The following SMYD3 variants were observed in gnomAD, a reference collection of about 807,000 sequenced individuals.
The protein encoded by SMYD3 is histone-lysine N-methyltransferase SMYD3.
SMYD3 carries 36 observed loss-of-function variants against 57.7 expected under a neutral mutation model. That is an observed-to-expected ratio of 0.62 (90% CI 0.48 to 0.82). SMYD3 has a LOEUF of 0.82. SMYD3 is among the 40% of genes least tolerant of loss of function. SMYD3 has a pLI of 0.00. For missense variants in SMYD3, 515 were observed against 538.8 expected (o/e 0.96, Z 0.44); for synonymous variants, 211 against 195.0 (o/e 1.08, Z -0.68).
intron 5 of SMYD3, among the ~76,000 whole-genome samples, chr1:246,116,165 T>C (rs2061339718): frequency 7.0e-6 from 1 of 143,650 alleles, no homozygotes; most frequent in Non-Finnish European, 1.5e-5. Context: ...AAAAAAAGAA[T>C]TAACTGTAAT....
chr1:246,145,500 G>T (rs1558266464), intron 5 of SMYD3, among the ~76,000 whole-genome samples: 1 of 152,150 alleles, frequency 6.6e-6, no homozygotes, highest in Non-Finnish European at 1.5e-5. Flanking sequence ...GTTTTAAAGT[G>T]CTGTTCTTAC....
chr1:245,875,223 C>T (rs1400575603), intron 8 of SMYD3, among the ~76,000 whole-genome samples: 1 of 152,212 alleles, frequency 6.6e-6, no homozygotes. Context: ...CTCTTGTAAC[C>T]GTCTCATAAA....
chr1:246,055,550 C>T (rs2060137416), intron 5 of SMYD3, among the ~76,000 whole-genome samples: 2 of 152,360 alleles, frequency 1.3e-5, no homozygotes, highest in South Asian at 2.1e-4. Context: ...GGTATTGGCA[C>T]ACCTTTGCTC....
At chr1:246,456,146 T>G (rs1417219615) in intron 1 of SMYD3, among the ~76,000 whole-genome samples, 1 of 152,194 alleles carries the variant, frequency 6.6e-6, no homozygotes, top group Non-Finnish European at 1.5e-5. Context: ...GGCCCAATTT[T>G]CTTCTCATTC....
chr1:246,109,234 T>C (rs1252985277), intron 5 of SMYD3, among the ~76,000 whole-genome samples: 1 of 152,202 alleles, frequency 6.6e-6, no homozygotes, highest in African/African-American at 2.4e-5. Flanking sequence ...GTTGGAACTG[T>C]ACCATGTTAC....
At position 246,190,584 on chromosome 1, in the gene SMYD3, CAAAA is replaced by C. The variant is rs11302731; in HGVS notation, c.531+136613_531+136616del. ...TAGGTGACAGAGTAAGACTCTGTCT[CAAAA>C]AAAAAAAAAAAAAAAAAAAAGGAAG... On this transcript the variant is annotated intron_variant, in intron 5 of 11. Transcript: ENST00000490107. Among the ~76,000 whole-genome samples, 271 of 63,054 alleles carry C rather than the reference CAAAA, an allele frequency of 4.3e-3. 2 individuals are homozygous for C. The highest frequency in any genetic ancestry group is 0.017 in the African/African-American group (254 of 14,898). The allele number at this position is 63,054 out of a possible 152,430, so 41.4% of individuals were successfully genotyped here.
rs12733274 is a variant in SMYD3 at position 246,478,863 on chromosome 1, A to G, written c.164+28191T>C. 3.3e-3 allele frequency among the ~76,000 whole-genome samples: 284 copies of G among 85,544 alleles called. 51 individuals carry two copies. Among genetic ancestry groups the G allele is most frequent in the Non-Finnish European group, 5.9e-3 (204 of 34,394 alleles). The allele number at this position is 85,544 out of a possible 152,430, so 56.1% of individuals were successfully genotyped here. ...TCCTGGAGCTGGTACATAAGTGCTCATATATGCACACCTGTCCTCCGTCCT... is the reference window on the plus strand; with the variant it reads ...TCCTGGAGCTGGTACATAAGTGCTCGTATATGCACACCTGTCCTCCGTCCT... On this transcript the variant is annotated intron_variant, in intron 1 of 11. Transcript: ENST00000490107.
intron 5 of SMYD3, among the ~76,000 whole-genome samples, chr1:246,229,869 T>TACCTCA (rs200651472): frequency 0.03 from 4,583 of 152,226 alleles, 88 homozygotes; most frequent in African/African-American, 0.037. Context: ...CTTTCAAGCG[T>TACCTCA]TTTGAGGTAT....
chr1:246,159,323 G>T (rs947978123), intron 5 of SMYD3, among the ~76,000 whole-genome samples: 2 of 152,086 alleles, frequency 1.3e-5, no homozygotes, highest in African/African-American at 4.8e-5. Flanking sequence ...GTAGCTCACC[G>T]GGGGCTGCTC....
chr1:245,925,547 C>T (rs572064614), intron 7 of SMYD3, among the ~76,000 whole-genome samples: 8 of 152,252 alleles, frequency 5.3e-5, no homozygotes, highest in South Asian at 2.1e-4. Context: ...GTTAAGCACA[C>T]GCCAAGGACA....
intron 5 of SMYD3, among the ~76,000 whole-genome samples, chr1:246,268,559 C>G (rs1474162772): frequency 6.6e-6 from 1 of 151,942 alleles, no homozygotes. Flanking sequence ...AAGACATTAG[C>G]CGGGCATGGT....
chr1:246,120,696 A>G (rs1383153410), intron 5 of SMYD3, among the ~76,000 whole-genome samples: 1 of 152,192 alleles, frequency 6.6e-6, no homozygotes, highest in African/African-American at 2.4e-5. Context: ...TTTATAAATT[A>G]TGGGTCACAG....
At position 246,355,194 on chromosome 1, in the gene SMYD3, T is replaced by C. The variant is rs2148705915; in HGVS notation, c.165-100A>G. The C allele has an allele frequency of 1.7e-6, 2 of 1,143,240 alleles. No individual in the cohort carries two copies. Among genetic ancestry groups the C allele is most frequent in the Non-Finnish European group, 2.6e-6 (2 of 765,772 alleles). 70.8% of individuals were successfully genotyped at this position (1,143,240 alleles called of 1,614,324 possible). On this transcript the variant is annotated intron_variant, in intron 1 of 11. Coordinates refer to ENST00000490107, the MANE Select transcript of SMYD3 (RefSeq NM_001167740.2). The surrounding 1 kb of genome is among the most constrained non-coding windows in gnomAD (Gnocchi z 5.0). ...AAGTCAACATACGGACACCCGTATG[T>C]TCTGTTTACTCCATTATGTACAGTC...
intron 5 of SMYD3, among the ~76,000 whole-genome samples, chr1:246,130,237 G>C (rs2061567883): frequency 6.6e-6 from 1 of 152,252 alleles, no homozygotes; most frequent in South Asian, 2.1e-4. Context: ...CGTTTAATAT[G>C]TAGACAAAAT....
intron 1 of SMYD3, among the ~76,000 whole-genome samples, chr1:246,380,688 G>C (rs994382738): frequency 1.3e-5 from 2 of 152,222 alleles, no homozygotes; most frequent in Non-Finnish European, 2.9e-5. Context: ...CTACGACAGA[G>C]GCAGAATAGC....
intron 1 of SMYD3, among the ~76,000 whole-genome samples, chr1:246,394,069 T>C (rs1047025089): frequency 1.1e-4 from 16 of 152,308 alleles, no homozygotes; most frequent in African/African-American, 3.8e-4. Context: ...CTCTCTGGTG[T>C]CACATCCTAA....
rs574395020 is a variant in SMYD3 at position 245,898,742 on chromosome 1, T to C, written c.813+16788A>G. ...TCTAACAGGACTTAGGAAAGAAAAA[T>C]TGACATGGCAAGTAATCATAGCTTG... On this transcript the variant is annotated intron_variant, in intron 8 of 11. Coordinates refer to ENST00000490107, the MANE Select transcript of SMYD3 (RefSeq NM_001167740.2). 3.7e-4 allele frequency among the ~76,000 whole-genome samples: 57 copies of C among 152,288 alleles called. 2 individuals are homozygous for C. The highest frequency in any genetic ancestry group is 1.3e-3 in the African/African-American group (55 of 41,562).
intron 5 of SMYD3, among the ~76,000 whole-genome samples, chr1:246,045,160 G>C (rs10924461): frequency 0.055 from 8,385 of 152,198 alleles, 475 homozygotes; most frequent in East Asian, 0.16. Flanking sequence ...CCAAAAAAGA[G>C]CCCGCATCAC....
intron 8 of SMYD3, among the ~76,000 whole-genome samples, chr1:245,880,946 G>T (rs557075929): frequency 6.6e-6 from 1 of 152,182 alleles, no homozygotes; most frequent in South Asian, 2.1e-4. Flanking sequence ...CACTAAAAAA[G>T]TTCACATTGA....
Sources: allele counts gnomAD v4.1 joint callset (sites outside exome capture counted in the v4.1 genomes callset), GRCh38; gene constraint gnomAD v4.1.1; non-coding constraint Gnocchi (gnomAD v3.1); transcripts MANE v1.5; gene names NCBI Gene and HGNC (gene_info 2026-07-23, HGNC 2026-07-21).